FOXP4: variants seen among roughly 807,000 people sequenced by gnomAD.
The protein encoded by FOXP4 is forkhead box P4.
In FOXP4, 25 loss-of-function variants were observed where a neutral mutation model predicts 82.6. The observed-to-expected ratio is 0.30, with a 90% confidence interval of 0.22 to 0.42. The LOEUF (loss-of-function observed/expected upper bound fraction) is 0.42. Ranked by LOEUF, FOXP4 falls within the 10% of genes least tolerant of loss-of-function variation. FOXP4 has a pLI of 1.00. For missense variants in FOXP4, 785 were observed against 900.9 expected, an observed-to-expected ratio of 0.87 and a Z score of 1.65; for synonymous variants, 415 against 388.2, an observed-to-expected ratio of 1.07 and a Z score of -0.81.
chr6:41,556,325 GT>G (rs11314988), intron 1 of FOXP4, among the ~76,000 whole-genome samples: 6,737 of 136,770 alleles, frequency 0.049, 230 homozygotes, highest in East Asian at 0.14. Flanking sequence ...CTCTGTGAAT[GT>G]TTTTTTTTTT....
intron 16 of FOXP4, 56 bp downstream of exon 16, chr6:41,598,006 G>A (rs1766967749): frequency 1.4e-6 from 2 of 1,384,280 alleles, no homozygotes; most frequent in African/African-American, 3.0e-5. Context: ...CACCAGGGAG[G>A]AGGCGTCATC....
chr6:41,558,361 C>CT lies in FOXP4; in HGVS notation c.-16-7383dup, dbSNP rs1263081502. Among the ~76,000 whole-genome samples, 1 of 152,132 alleles carries CT rather than the reference C, an allele frequency of 6.6e-6. No homozygotes were observed. Among genetic ancestry groups the CT allele is most frequent in the East Asian group, 1.9e-4 (1 of 5,190 alleles). ...CTTTCTTCAAGTGCTGAACCAAGGG[C>CT]TGGGAGAGGGGGGTGGGATCAATTT... On this transcript the variant is annotated intron_variant, in intron 1 of 16. Transcript: ENST00000307972. This position sits in a 1 kb window ranked among gnomAD's most constrained non-coding sequence, Gnocchi z 4.0.
Position 41,587,742 on chromosome 6 carries a change from C to T in FOXP4, c.873-51C>T, listed in dbSNP as rs756573814. 5.6e-5 allele frequency: 72 copies of T among 1,276,944 alleles called. No individual in the cohort carries two copies. The East Asian group carries it at 1.4e-3, about 25-fold the overall frequency. The allele number at this position is 1,276,944 out of a possible 1,614,324, so 79.1% of individuals were successfully genotyped here. On this transcript the variant is annotated intron_variant, in intron 7 of 16. Coordinates refer to ENST00000307972, the MANE Select transcript of FOXP4 (RefSeq NM_001012426.2). ...GCTGGTGCTCAGCTGACTACAGGGC[C>T]GCTGGGGTCTTCAGGGTCCCTGATC...
At chr6:41,574,667 C>T (rs145417887) in intron 2 of FOXP4, among the ~76,000 whole-genome samples, 534 of 152,226 alleles carry the variant, frequency 3.5e-3, no homozygotes, top group African/African-American at 0.012. Flanking sequence ...GGGGATCTGC[C>T]GGAGTTAGGA....
At chr6:41,598,704 C>CA (rs1235135820) in intron 16 of FOXP4, 85 bp from the exon 17 acceptor site, 1 of 1,541,864 alleles carries the variant, frequency 6.5e-7, no homozygotes, top group African/African-American at 1.4e-5. Flanking sequence ...CACTGTGCCC[C>CA]AGAGTTCTGG....
At chr6:41,579,756 T>G (rs1581753317) in intron 3 of FOXP4, among the ~76,000 whole-genome samples, 1 of 152,210 alleles carries the variant, frequency 6.6e-6, no homozygotes, top group Non-Finnish European at 1.5e-5. Flanking sequence ...CCTTGTCTCA[T>G]TACTTCCAAA....
chr6:41,547,784 C>CCA (rs201913018), intron 1 of FOXP4, among the ~76,000 whole-genome samples: 5,203 of 149,820 alleles, frequency 0.035, 141 homozygotes, highest in South Asian at 0.077. Context: ...AGGACCCCCC[C>CCA]CCGCCCCAAC....
In FOXP4 at chr6:41,597,959, ACAGCACGGACCCCCACCCACCC is replaced by A. The variant is rs1432206682; in HGVS notation, c.1895+16_1895+37del. 1.3e-5 allele frequency: 19 copies of A among 1,502,650 alleles called. No individual in the cohort carries two copies. The highest frequency in any genetic ancestry group is 1.6e-5 in the Non-Finnish European group (18 of 1,128,164). The allele number at this position is 1,502,650 out of a possible 1,614,324, so 93.1% of individuals were successfully genotyped here. The stretch of plus-strand genomic sequence containing the variant: ...TCCCCGCCCCAGTACAGGTGAGCAC[ACAGCACGGACCCCCACCCACCC>A]CAGCACCCCTCAACCACCAGGGAGG... On this transcript the variant is annotated intron_variant, in intron 16 of 16. Transcript: ENST00000307972.
Position 41,590,046 on chromosome 6 carries a change from C to A in FOXP4, c.1233C>A (p.Pro411=). 1 of 1,613,970 alleles carries A rather than the reference C, an allele frequency of 6.2e-7. No individual in the cohort carries two copies. ...ADSFPDGLVH[P]PTSAAAPVTP... The stretch of plus-strand genomic sequence containing the variant: ...CATTCCCAGATGGTCTCGTGCACCC[C>A]CCGACCTCGGCCGCAGCCCCTGTCA... Residue 411 remains proline (P), a synonymous_variant, in exon 11 of 17, where the codon CCC becomes CCA. Coordinates refer to ENST00000307972, the MANE Select transcript of FOXP4 (RefSeq NM_001012426.2).
intron 2 of FOXP4, among the ~76,000 whole-genome samples, chr6:41,571,621 C>T (rs993306250): frequency 2.6e-5 from 4 of 152,164 alleles, no homozygotes; most frequent in Middle Eastern, 3.4e-3. Flanking sequence ...GAGAATGCGC[C>T]GATGTCATTT....
intron 5 of FOXP4, 41 bp from the exon 6 acceptor site, chr6:41,586,968 A>T (rs749251025): frequency 3.9e-6 from 6 of 1,538,962 alleles, no homozygotes; most frequent in Non-Finnish European, 5.3e-6. Context: ...CCTGAAGCTG[A>T]TGGCACCCCT....
intron 5 of FOXP4, among the ~76,000 whole-genome samples, chr6:41,585,822 TGTG>T (rs1766083786): frequency 6.6e-6 from 1 of 152,056 alleles, no homozygotes; most frequent in Non-Finnish European, 1.5e-5. Flanking sequence ...TCATGTGCCT[TGTG>T]GTCGCACCAT....
intron 3 of FOXP4, among the ~76,000 whole-genome samples, 200 bp from the exon 4 acceptor site, chr6:41,584,569 G>A (rs900900861): frequency 2.0e-5 from 3 of 152,164 alleles, no homozygotes; most frequent in Non-Finnish European, 4.4e-5. Flanking sequence ...CACTGTTTTC[G>A]TTTTAGAGAT....
rs911818383 is a variant in FOXP4 at position 41,593,735 on chromosome 6, G to A, written c.1537-1135G>A. Among the ~76,000 whole-genome samples the A allele has an allele frequency of 1.3e-5, 2 of 152,126 alleles. No individual in the cohort carries two copies. Among genetic ancestry groups the A allele is most frequent in the African/African-American group, 2.4e-5 (1 of 41,414 alleles). On this transcript the variant is annotated intron_variant, in intron 13 of 16. Transcript: ENST00000307972. The surrounding 1 kb of genome is among the most constrained non-coding windows in gnomAD (Gnocchi z 4.1). ...TCCCTCGTGGATTAGCAAGCGAGTCGGAAAAATACACAGGATTTAATTAGA... is the reference window on the plus strand; with the variant it reads ...TCCCTCGTGGATTAGCAAGCGAGTCAGAAAAATACACAGGATTTAATTAGA...
intron 2 of FOXP4, 44 bp downstream of exon 2, chr6:41,566,008 G>T: frequency 6.4e-7 from 1 of 1,560,958 alleles, no homozygotes; most frequent in Non-Finnish European, 8.7e-7. Context: ...CGGGAGAGGG[G>T]CACTAGGCTG....
chr6:41,578,209 A>G, intron 3 of FOXP4, 128 bp downstream of exon 3: 2 of 728,624 alleles, frequency 2.7e-6, no homozygotes, highest in Non-Finnish European at 4.5e-6. Context: ...CAACTTTTCA[A>G]AGGAAATACA....
intron 1 of FOXP4, among the ~76,000 whole-genome samples, chr6:41,563,166 C>T (rs567525734): frequency 6.6e-6 from 1 of 152,296 alleles, no homozygotes; most frequent in Non-Finnish European, 1.5e-5. Context: ...GCCACTCAGA[C>T]TTACTGGGAC....
chr6:41,557,269 TTA>T (rs371990519), intron 1 of FOXP4, among the ~76,000 whole-genome samples: 232 of 152,346 alleles, frequency 1.5e-3, no homozygotes, highest in African/African-American at 5.3e-3. Context: ...CCCGAGAGTC[TTA>T]TGAGATGTGA....
At chr6:41,580,006 A>G (rs1487916290) in intron 3 of FOXP4, among the ~76,000 whole-genome samples, 1 of 151,766 alleles carries the variant, frequency 6.6e-6, no homozygotes, top group Non-Finnish European at 1.5e-5. Context: ...AATAAAAGAC[A>G]GAGTGAGGAT....
Sources: gnomAD v4.1 joint callset for allele counts (sites outside exome capture counted in the v4.1 genomes callset) on GRCh38, gnomAD v4.1.1 for gene constraint, Gnocchi (gnomAD v3.1) non-coding constraint, MANE v1.5 for transcripts, NCBI Gene and HGNC (gene_info 2026-07-23, HGNC 2026-07-21) for gene names.